The following OPRM1 variants were observed in gnomAD, a reference collection of about 807,000 sequenced individuals.
OPRM1 encodes opioid receptor mu 1.
OPRM1 carries 27 observed loss-of-function variants against 31.8 expected under a neutral mutation model. The observed-to-expected ratio is 0.85, with a 90% CI of 0.63 to 1.17. OPRM1 has a LOEUF of 1.17. Among genes scored for constraint, OPRM1 ranks in the 50% most tolerant of loss-of-function variants. The pLI is 0.00. For missense variants in OPRM1, 536 were observed against 511.1 expected (o/e 1.05, Z -0.47); for synonymous variants, 196 against 189.9 (o/e 1.03, Z -0.26).
At chr6:154,041,430 A>G (rs1481128778) in intron 1 of OPRM1, among the ~76,000 whole-genome samples, 1 of 152,222 alleles carries the variant, frequency 6.6e-6, no homozygotes, top group African/African-American at 2.4e-5. Context: ...GTTATAATTA[A>G]AGGCCTGTTT....
chr6:154,151,453 A>G (rs1798496680), intron 3 of OPRM1, among the ~76,000 whole-genome samples: 1 of 152,204 alleles, frequency 6.6e-6, no homozygotes. Flanking sequence ...CACAGCTGTC[A>G]GTCATTGTTG....
At chr6:154,087,459 A>G in intron 1 of OPRM1, 3 of 985,458 alleles carry the variant, frequency 3.0e-6, no homozygotes, top group Non-Finnish European at 3.6e-6. Context: ...TCAGAAGCCC[A>G]AGGAGGGCCT....
chr6:154,091,297 A>C lies in OPRM1; in HGVS notation c.989A>C (p.Asn330Thr). Reference protein sequence around the residue: ...WHFCIALGYTNSCLNPVLYAF... With the variant: ...WHFCIALGYTTSCLNPVLYAF... ...TTCTGCATTGCTCTAGGTTACACAAACAGCTGCCTCAACCCAGTCCTTTAT... is the reference window on the plus strand; with the variant it reads ...TTCTGCATTGCTCTAGGTTACACAACCAGCTGCCTCAACCCAGTCCTTTAT... Residue 330 changes from asparagine to threonine, a missense_variant, in exon 3 of 4, where the codon AAC becomes ACC. Asn to Thr is a moderately conservative substitution (Grantham distance 65). Coordinates refer to ENST00000330432, the MANE Select transcript of OPRM1 (RefSeq NM_000914.5). The C allele has an allele frequency of 6.2e-7, 1 of 1,614,194 alleles. No individual in the cohort carries two copies. The highest frequency in any genetic ancestry group is 8.5e-7 in the Non-Finnish European group (1 of 1,180,028).
At chr6:154,023,013 G>A (rs183780240) in intron 1 of OPRM1, among the ~76,000 whole-genome samples, 29 of 151,274 alleles carry the variant, frequency 1.9e-4, no homozygotes, top group South Asian at 8.3e-4. Context: ...CTTCTTGCTC[G>A]GAGAGCTTTG....
downstream of OPRM1, among the ~76,000 whole-genome samples, chr6:154,133,013 C>A (rs543321389): frequency 4.0e-5 from 6 of 151,302 alleles, no homozygotes; most frequent in Non-Finnish European, 7.4e-5. Flanking sequence ...CCCAGCTACT[C>A]GGGAGGCTGA....
chr6:154,064,690 G>C (rs1043744743), intron 1 of OPRM1, among the ~76,000 whole-genome samples: 4 of 152,240 alleles, frequency 2.6e-5, no homozygotes, highest in African/African-American at 7.2e-5. Flanking sequence ...AGGTGCCAAA[G>C]TTATTCTCTT....
At position 154,091,158 on chromosome 6, in the gene OPRM1, G is replaced by A; in HGVS notation, c.850G>A (p.Val284Met). The change falls in exon 3 of 4, where the codon GTG becomes ATG. Residue 284 changes from valine to methionine, a missense_variant. Coordinates refer to ENST00000330432, the MANE Select transcript of OPRM1 (RefSeq NM_000914.5). ...GAATCTTCGAAGGATCACCAGGATG[G>A]TGCTGGTGGTGGTGGCTGTGTTCAT... is the stretch of plus-strand genomic sequence containing the variant. ...DRNLRRITRM[V>M]LVVVAVFIVC... 2 of 1,614,130 alleles carry A rather than the reference G, an allele frequency of 1.2e-6. No homozygotes were observed. Among genetic ancestry groups the A allele is most frequent in the Non-Finnish European group, 1.7e-6 (2 of 1,179,974 alleles).
intron 3 of OPRM1, among the ~76,000 whole-genome samples, chr6:154,228,508 C>G (rs1455087940): frequency 6.6e-6 from 1 of 152,184 alleles, no homozygotes; most frequent in East Asian, 1.9e-4. Flanking sequence ...GTTCTATGAT[C>G]TCAAACCTTT....
intron 1 of OPRM1, among the ~76,000 whole-genome samples, chr6:154,071,069 C>A (rs1786603671): frequency 6.6e-6 from 1 of 152,168 alleles, no homozygotes; most frequent in Non-Finnish European, 1.5e-5. Context: ...TACAACTGAG[C>A]AAGCAGGTCT....
intron 3 of OPRM1, among the ~76,000 whole-genome samples, chr6:154,170,858 C>A (rs1033566010): frequency 1.3e-5 from 2 of 152,126 alleles, no homozygotes; most frequent in African/African-American, 4.8e-5. Context: ...TAAAACAGAG[C>A]TGCTACTTTT....
intron 3 of OPRM1, among the ~76,000 whole-genome samples, chr6:154,115,309 G>A (rs538941057): frequency 5.3e-5 from 8 of 152,294 alleles, no homozygotes; most frequent in Middle Eastern, 3.4e-3. Flanking sequence ...GGAGGCTGAG[G>A]TGGGTAGATC....
Position 154,126,156 on chromosome 6 carries a change from A to G in OPRM1, c.*7435A>G, listed in dbSNP as rs1344692105. ...GGTTACAAAATACCAAACGGAAATG[A>G]GATAAGTGGTATAAACCACAGAAGA... On this transcript the variant is annotated 3_prime_UTR_variant, in exon 4 of 4. Transcript: ENST00000330432. Among the ~76,000 whole-genome samples the G allele has an allele frequency of 1.3e-5, 2 of 151,990 alleles. No individual in the cohort carries two copies. The highest frequency in any genetic ancestry group is 4.8e-5 in the African/African-American group (2 of 41,340).
chr6:154,070,520 G>A (rs1466985609), intron 1 of OPRM1, among the ~76,000 whole-genome samples: 1 of 152,170 alleles, frequency 6.6e-6, no homozygotes, highest in East Asian at 1.9e-4. Context: ...AAACTCTTTA[G>A]AGCAATGCCT....
intron 3 of OPRM1, among the ~76,000 whole-genome samples, chr6:154,205,249 A>G (rs915121786): frequency 1.3e-5 from 2 of 152,166 alleles, no homozygotes; most frequent in African/African-American, 4.8e-5. Flanking sequence ...GGGAGAAGAC[A>G]CCATCTAGTT....
chr6:154,136,475 G>A (rs550149219), downstream of OPRM1, among the ~76,000 whole-genome samples: 26 of 152,274 alleles, frequency 1.7e-4, 1 homozygote, highest in Admixed American at 1.2e-3. Context: ...TCTAGAAAGA[G>A]ATGTCAGATA....
At chr6:154,041,631 A>ATT (rs568209489) in intron 1 of OPRM1, among the ~76,000 whole-genome samples, 6 of 147,136 alleles carry the variant, frequency 4.1e-5, no homozygotes, top group South Asian at 2.2e-4. Flanking sequence ...TAGCTAACAT[A>ATT]TTTTTTTTTT....
chr6:154,135,051 G>A (rs960911407), downstream of OPRM1, among the ~76,000 whole-genome samples: 22 of 152,186 alleles, frequency 1.4e-4, no homozygotes, highest in Non-Finnish European at 2.8e-4. Context: ...CAAATCTATA[G>A]TCCGCATTCT....
chr6:154,198,310 C>T (rs745839432), intron 3 of OPRM1, among the ~76,000 whole-genome samples: 4 of 152,148 alleles, frequency 2.6e-5, no homozygotes, highest in East Asian at 1.9e-4. Flanking sequence ...AACCTGAGGG[C>T]GGGTTGAGAC....
chr6:154,166,223 A>G (rs1799412593), intron 3 of OPRM1, among the ~76,000 whole-genome samples: 1 of 152,250 alleles, frequency 6.6e-6, no homozygotes, highest in African/African-American at 2.4e-5. Flanking sequence ...TGAATTCACC[A>G]ATGACGAGGT....
Sources: gnomAD v4.1 joint callset for allele counts (sites outside exome capture counted in the v4.1 genomes callset) on GRCh38, gnomAD v4.1.1 for gene constraint, MANE v1.5 for transcripts, NCBI Gene and HGNC (gene_info 2026-07-23, HGNC 2026-07-21) for gene names.